Variants in PROS1 observed in about 807,000 individuals in gnomAD.
The protein encoded by PROS1 is vitamin K-dependent protein S.
A neutral mutation model predicts 75.9 loss-of-function variants in PROS1; 29 were observed. The ratio of observed to expected loss-of-function variants is 0.38; its 90% CI spans 0.28 to 0.52. PROS1 has a LOEUF of 0.52. Among genes scored for constraint, PROS1 ranks in the 20% least tolerant of loss-of-function variants. PROS1 has a pLI of 0.83. For synonymous variants in PROS1, 245 were observed against 280.6 expected, an observed-to-expected ratio of 0.87 and a Z score of 1.27; for missense variants, 680 against 810.3, an observed-to-expected ratio of 0.84 and a Z score of 1.95.
chr3:93,937,728 C>G (rs9816517), intron 1 of PROS1, among the ~76,000 whole-genome samples: 1 of 152,010 alleles, frequency 6.6e-6, no homozygotes, highest in African/African-American at 2.4e-5. Context: ...TTGGGCCTGG[C>G]GCTGGGCTGC....
chr3:93,961,791 T>G (rs1709709189), intron 1 of PROS1, among the ~76,000 whole-genome samples: 1 of 152,208 alleles, frequency 6.6e-6, no homozygotes. Flanking sequence ...GTTCTAACAG[T>G]TGGCTTGGTT....
chr3:93,900,776 A>T, intron 7 of PROS1, 28 bp downstream of exon 7: 1 of 1,611,812 alleles, frequency 6.2e-7, no homozygotes, highest in Non-Finnish European at 8.5e-7. Flanking sequence ...CCTCTCCACC[A>T]TCAGTAATGA....
intron 3 of PROS1, among the ~76,000 whole-genome samples, chr3:93,922,371 C>A (rs754724709): frequency 1.6e-4 from 25 of 152,154 alleles, no homozygotes; most frequent in Non-Finnish European, 2.9e-4. Context: ...GAAACACTCA[C>A]TCTATTAGGT....
intron 1 of PROS1, 65 bp downstream of exon 1, chr3:93,973,609 A>C (rs1032864027): frequency 1.3e-6 from 2 of 1,550,292 alleles, no homozygotes; most frequent in Admixed American, 3.5e-5. Flanking sequence ...AAATCCTACC[A>C]ACCAGGGCAC....
At chr3:93,939,656 A>T (rs1199479537) in intron 1 of PROS1, among the ~76,000 whole-genome samples, 2 of 151,940 alleles carry the variant, frequency 1.3e-5, no homozygotes, top group East Asian at 3.9e-4. Context: ...TCTTTATCTG[A>T]CCTCTCCCAA....
At chr3:93,898,679 C>A (rs1708540098) in intron 7 of PROS1, 110 bp from the exon 8 acceptor site, 2 of 1,298,776 alleles carry the variant, frequency 1.5e-6, no homozygotes, top group Non-Finnish European at 2.2e-6. Context: ...GATAATCGAA[C>A]CTTAGGGAAA....
chr3:93,879,081 C>T, intron 13 of PROS1, 82 bp downstream of exon 13: 1 of 1,325,238 alleles, frequency 7.5e-7, no homozygotes, highest in Non-Finnish European at 1.1e-6. Flanking sequence ...TCAAAATAGT[C>T]CTTTGAGGTA....
intron 3 of PROS1, among the ~76,000 whole-genome samples, chr3:93,917,020 C>T (rs1386876593): frequency 6.6e-6 from 1 of 152,156 alleles, no homozygotes; most frequent in Non-Finnish European, 1.5e-5. Flanking sequence ...CTACTTTATA[C>T]CCCTCTGTCT....
chr3:93,887,694 C>A (rs1475098132), intron 10 of PROS1, among the ~76,000 whole-genome samples: 2 of 152,174 alleles, frequency 1.3e-5, no homozygotes, highest in African/African-American at 4.8e-5. Context: ...ACTTAGCCTA[C>A]AACACTTGAC....
intron 2 of PROS1, 107 bp from the exon 3 acceptor site, chr3:93,924,371 A>G: frequency 1.8e-6 from 1 of 557,608 alleles, no homozygotes; most frequent in Non-Finnish European, 2.6e-6. Flanking sequence ...AATAAGTTAC[A>G]TATAACCATC....
intron 1 of PROS1, among the ~76,000 whole-genome samples, chr3:93,969,244 G>A (rs1352376151): frequency 6.6e-6 from 1 of 150,674 alleles, no homozygotes; most frequent in Non-Finnish European, 1.5e-5. Flanking sequence ...CCTAGGAAAT[G>A]GAAGCCTCAA....
chr3:93,889,333 T>C (rs1024592396), intron 10 of PROS1, among the ~76,000 whole-genome samples: 2 of 152,206 alleles, frequency 1.3e-5, no homozygotes, highest in Non-Finnish European at 2.9e-5. Flanking sequence ...TTTGCTGTTG[T>C]ATCTTTACCA....
chr3:93,898,753 C>T (rs1180903532), intron 7 of PROS1, among the ~76,000 whole-genome samples, 184 bp from the exon 8 acceptor site: 1 of 151,764 alleles, frequency 6.6e-6, no homozygotes. Context: ...AAACGAGTTA[C>T]AAGTATAGTT....
At chr3:93,927,873 A>ATATATATATATATATATG in intron 1 of PROS1, among the ~76,000 whole-genome samples, 1 of 124,150 alleles carries the variant, frequency 8.1e-6, no homozygotes, top group East Asian at 2.4e-4. Context: ...ATATATATAT[A>ATATATATATATATATATG]TGTGTGTATG....
In PROS1 at chr3:93,926,626, T is replaced by C. The variant is rs1173554935; in HGVS notation, c.234+624A>G. 2.6e-5 allele frequency among the ~76,000 whole-genome samples: 4 copies of C among 152,304 alleles called. 1 individual carries two copies. The East Asian group carries it at 7.7e-4, about 29-fold the overall frequency. On this transcript the variant is annotated intron_variant, in intron 2 of 14. Coordinates refer to ENST00000394236, the MANE Select transcript of PROS1 (RefSeq NM_000313.4). ...TAGCCTGGGCAACAGAAAGAGACTT[T>C]GTTTCAAAAAATAAAAATAAAAATA... is the stretch of plus-strand genomic sequence containing the variant.
chr3:93,898,567 T>C lies in PROS1; in HGVS notation c.730A>G (p.Ile244Val). The C allele has an allele frequency of 5.0e-6, 8 of 1,612,184 alleles. No homozygotes were observed. The highest frequency in any genetic ancestry group is 2.2e-5 in the East Asian group (1 of 44,762). The change falls in exon 8 of 15, where the codon ATA becomes GTA. Residue 244 changes from isoleucine (I) to valine (V), a missense_variant and splice_region_variant. Physicochemically the swap from Ile to Val is conservative, Grantham distance 29. Coordinates refer to ENST00000394236, the MANE Select transcript of PROS1 (RefSeq NM_000313.4). ...CACATGTTCTCAGAGCATTCATCTA[T>C]ATCTGAGGTAAAAAAAACACACGCA... The part of the protein sequence containing the change: ...YNLKSKSCED[I>V]DECSENMCAQ...
At chr3:93,912,907 C>A (rs1229061613) in intron 3 of PROS1, among the ~76,000 whole-genome samples, 1 of 152,164 alleles carries the variant, frequency 6.6e-6, no homozygotes, top group Non-Finnish European at 1.5e-5. Flanking sequence ...TTTTGAGGGT[C>A]ACATTCAAAG....
At chr3:93,960,945 A>G (rs895459340) in intron 1 of PROS1, among the ~76,000 whole-genome samples, 12 of 152,082 alleles carry the variant, frequency 7.9e-5, no homozygotes, top group African/African-American at 2.9e-4. Context: ...AAAAGAAAAA[A>G]AAACAAAGGC....
In PROS1 at chr3:93,876,538, G is replaced by A. The variant is rs764122829; in HGVS notation, c.1870+428C>T. On this transcript the variant is annotated intron_variant, in intron 14 of 14. Transcript: ENST00000394236. ...CAGGAGGCGGAGCTTGCAGTGAGCCGAGATCGTGCCACTGCACTCCAGCCT... is the reference window on the plus strand; with the variant it reads ...CAGGAGGCGGAGCTTGCAGTGAGCCAAGATCGTGCCACTGCACTCCAGCCT... 9.4e-5 allele frequency among the ~76,000 whole-genome samples: 12 copies of A among 127,836 alleles called. No homozygotes were observed. The East Asian group carries it at 1.5e-3, about 16-fold the overall frequency. The allele number at this position is 127,836 out of a possible 152,430, so 83.9% of individuals were successfully genotyped here.
Sources: allele counts gnomAD v4.1 joint callset (sites outside exome capture counted in the v4.1 genomes callset), GRCh38; gene constraint gnomAD v4.1.1; transcripts MANE v1.5; gene names NCBI Gene and HGNC (gene_info 2026-07-23, HGNC 2026-07-21).